The following SERPING1 variants were observed in gnomAD, a reference collection of about 807,000 sequenced individuals.
SERPING1 encodes serpin family G member 1.
A neutral mutation model predicts 34.1 loss-of-function variants in SERPING1; 5 were observed. The observed-to-expected ratio is 0.15, with a 90% CI of 0.08 to 0.31. SERPING1 has a LOEUF of 0.31. SERPING1 is among the 10% of genes least tolerant of loss of function. The probability of loss-of-function intolerance (pLI) is 1.00; values close to 1 mark genes in which losing one functional copy is unlikely to be tolerated. For missense variants in SERPING1, 505 were observed against 609.5 expected (o/e 0.83, Z 1.81); for synonymous variants, 225 against 242.4 (o/e 0.93, Z 0.67).
chr11:57,599,642 C>T (rs1262617710), intron 2 of SERPING1, among the ~76,000 whole-genome samples: 1 of 152,186 alleles, frequency 6.6e-6, no homozygotes, highest in East Asian at 1.9e-4. Flanking sequence ...CCCTGACTAT[C>T]CCTCATCTTC....
At chr11:57,605,302 CTTT>C (rs879509470) in intron 4 of SERPING1, among the ~76,000 whole-genome samples, 1 of 144,536 alleles carries the variant, frequency 6.9e-6, no homozygotes. Flanking sequence ...GGGAAAATAT[CTTT>C]TTTTTTTTTT....
At chr11:57,601,902 C>G in intron 3 of SERPING1, 133 bp from the exon 4 acceptor site, 1 of 791,810 alleles carries the variant, frequency 1.3e-6, no homozygotes, top group Non-Finnish European at 2.1e-6. Context: ...GAGAACACTT[C>G]CAGCTCAGAT....
Position 57,600,120 on chromosome 11 carries a change from C to A in SERPING1, c.293C>A (p.Pro98His). 6.2e-7 allele frequency: 1 copy of A among 1,613,448 alleles called. No homozygotes were observed. The highest frequency in any genetic ancestry group is 8.5e-7 in the Non-Finnish European group (1 of 1,179,638). ...CCCACCACAGAGCCCACCACCCAAC[C>A]CACCATCCAACCCACCCAACCAACT... ...TQPTTEPTTQPTIQPTQPTTQ... is the reference protein window; with the variant it reads ...TQPTTEPTTQHTIQPTQPTTQ... Residue 98 changes from proline to histidine, a missense_variant, in exon 3 of 8, where the codon CCC becomes CAC. By Grantham distance (77) the Pro-to-His change is moderately conservative (BLOSUM62 -2). Coordinates refer to ENST00000278407, the MANE Select transcript of SERPING1 (RefSeq NM_000062.3).
At chr11:57,605,871 G>A in intron 4 of SERPING1, 139 bp from the exon 5 acceptor site, 1 of 835,076 alleles carries the variant, frequency 1.2e-6, no homozygotes. Flanking sequence ...TAAGAGGAGT[G>A]GGCTGGACCG....
chr11:57,599,150 G>A (rs565790740), intron 2 of SERPING1, among the ~76,000 whole-genome samples: 1 of 152,206 alleles, frequency 6.6e-6, no homozygotes, highest in African/African-American at 2.4e-5. Flanking sequence ...TTGACATTGG[G>A]GCTGGATAAT....
At chr11:57,608,821 T>G (rs996486531) in intron 6 of SERPING1, among the ~76,000 whole-genome samples, 86 of 151,952 alleles carry the variant, frequency 5.7e-4, no homozygotes, top group Non-Finnish European at 1.1e-3. Context: ...CCTGAGTTTT[T>G]TTTTTTTTTT....
chr11:57,609,916 G>A (rs932990661), intron 6 of SERPING1, among the ~76,000 whole-genome samples: 1 of 152,250 alleles, frequency 6.6e-6, no homozygotes, highest in Admixed American at 6.5e-5. Context: ...CCAGGCATGA[G>A]CCACCTCACC....
At chr11:57,606,349 G>T in intron 5 of SERPING1, 59 bp from the exon 6 acceptor site, 1 of 1,608,762 alleles carries the variant, frequency 6.2e-7, no homozygotes, top group Non-Finnish European at 8.5e-7. Flanking sequence ...AAGGCTTTTA[G>T]CTCCTCTTCA....
At chr11:57,609,143 G>T (rs1396566231) in intron 6 of SERPING1, among the ~76,000 whole-genome samples, 1 of 151,906 alleles carries the variant, frequency 6.6e-6, no homozygotes, top group Non-Finnish European at 1.5e-5. Context: ...GCCAGGCATG[G>T]TGGCACATGT....
intron 4 of SERPING1, chr11:57,605,724 A>G (rs1945401315): frequency 2.2e-6 from 1 of 459,118 alleles, no homozygotes; most frequent in African/African-American, 2.0e-5. Context: ...AATCTAGGCA[A>G]ATGGAATTTA....
rs1057919 is a variant in SERPING1, at chr11:57,614,630, C to G, written c.*49C>G. 3.8e-5 allele frequency: 60 copies of G among 1,597,120 alleles called. No homozygotes were observed. In the Middle Eastern group the frequency reaches 5.9e-4, roughly 16 times the overall value. On this transcript the variant is annotated 3_prime_UTR_variant, in exon 8 of 8. Coordinates refer to ENST00000278407, the MANE Select transcript of SERPING1 (RefSeq NM_000062.3). The stretch of plus-strand genomic sequence containing the variant: ...GAGCGCTACCTCTCCAGCCTCAGCT[C>G]TCAGTTGCAGCCCTGCTGCTGCCTG...
chr11:57,613,395 A>G (rs1275106286), intron 7 of SERPING1, among the ~76,000 whole-genome samples: 1 of 152,228 alleles, frequency 6.6e-6, no homozygotes, highest in Non-Finnish European at 1.5e-5. Context: ...CCTGTGCATC[A>G]GACCAACCAG....
intron 4 of SERPING1, among the ~76,000 whole-genome samples, chr11:57,602,993 G>C (rs2135312641): frequency 6.6e-6 from 1 of 151,968 alleles, no homozygotes; most frequent in Middle Eastern, 3.4e-3. Flanking sequence ...AGCACTTTGG[G>C]AGGCTGAGGT....
intron 6 of SERPING1, among the ~76,000 whole-genome samples, chr11:57,610,392 A>G (rs1280976565): frequency 6.6e-6 from 1 of 152,218 alleles, no homozygotes; most frequent in Non-Finnish European, 1.5e-5. Flanking sequence ...AGGTTCATAC[A>G]TAGGACTTGA....
At chr11:57,603,310 G>A in intron 4 of SERPING1, among the ~76,000 whole-genome samples, 1 of 151,798 alleles carries the variant, frequency 6.6e-6, no homozygotes, top group East Asian at 1.9e-4. Context: ...TTGGCAGGCC[G>A]AGGCAGGCGA....
rs549996372 is a variant in SERPING1, at chr11:57,612,767, C to T, written c.1249+831C>T. ...TTTTTTTGTTTGTTTGTTTTTGAGACGGAGCCTCACTCTGTCACCCAGGCT... is the reference window on the plus strand; with the variant it reads ...TTTTTTTGTTTGTTTGTTTTTGAGATGGAGCCTCACTCTGTCACCCAGGCT... On this transcript the variant is annotated intron_variant, in intron 7 of 7. Coordinates refer to ENST00000278407, the MANE Select transcript of SERPING1 (RefSeq NM_000062.3). Among the ~76,000 whole-genome samples, 10 of 151,194 alleles carry T rather than the reference C, an allele frequency of 6.6e-5. No homozygotes were observed. In the South Asian group the frequency reaches 1.5e-3, roughly 22 times the overall value.
At position 57,606,395 on chromosome 11, in the gene SERPING1, C is replaced by T; in HGVS notation, c.890-13C>T. 6.2e-7 allele frequency: 1 copy of T among 1,614,138 alleles called. No individual in the cohort carries two copies. On this transcript the variant is annotated splice_polypyrimidine_tract_variant and intron_variant, in intron 5 of 7. Transcript: ENST00000278407. ...ACCTGCATTAGAGCAACCCTCCCAC[C>T]TCTTCCCTCTAGCCAAGTGGAAGAC...
chr11:57,600,204 C>T lies in SERPING1; in HGVS notation c.377C>T (p.Pro126Leu), dbSNP rs1249531471. ...QPTTGSFCPG[P>L]VTLCSDLESH... ...ACTACTGGGTCCTTCTGCCCAGGAC[C>T]TGTTACTCTCTGCTCTGACTTGGAG... The change falls in exon 3 of 8, where the codon CCT becomes CTT. Residue 126 changes from proline (P) to leucine (L), a missense_variant. By Grantham distance (98) the Pro-to-Leu change is moderately conservative. Transcript: ENST00000278407. 6.2e-7 allele frequency: 1 copy of T among 1,614,082 alleles called. No individual in the cohort carries two copies. Among genetic ancestry groups the T allele is most frequent in the Admixed American group, 1.7e-5 (1 of 60,016 alleles).
At chr11:57,604,977 G>T (rs1945392499) in intron 4 of SERPING1, among the ~76,000 whole-genome samples, 1 of 151,620 alleles carries the variant, frequency 6.6e-6, no homozygotes. Context: ...CTCTAGGTTG[G>T]GTAACAGAGT....
Sources: allele counts gnomAD v4.1 joint callset (sites outside exome capture counted in the v4.1 genomes callset), GRCh38; gene constraint gnomAD v4.1.1; transcripts MANE v1.5; gene names NCBI Gene and HGNC (gene_info 2026-07-23, HGNC 2026-07-21).